Variants in GNAQ observed in about 807,000 individuals in gnomAD.
GNAQ encodes G protein subunit alpha q, also known as guanine nucleotide-binding protein G(q) subunit alpha.
Under a neutral mutation model 43.9 loss-of-function variants are expected in GNAQ, and 8 were observed. The observed-to-expected ratio is 0.18, with a 90% CI of 0.11 to 0.33. The LOEUF (loss-of-function observed/expected upper bound fraction) is 0.33, where lower values mean the gene tolerates loss of function less well. GNAQ is among the 10% of genes least tolerant of loss of function. The pLI, the probability that GNAQ is intolerant of heterozygous loss-of-function variation, is 1.00. For missense variants in GNAQ, 158 were observed against 450.8 expected, an observed-to-expected ratio of 0.35 and a Z score of 5.88; for synonymous variants, 155 against 170.7, an observed-to-expected ratio of 0.91 and a Z score of 0.71.
chr9:77,999,816 T>C (rs1397414374), intron 1 of GNAQ, among the ~76,000 whole-genome samples: 4 of 152,044 alleles, frequency 2.6e-5, no homozygotes, highest in Non-Finnish European at 5.9e-5. Flanking sequence ...TCACCAAATA[T>C]GGAAAACTGG....
chr9:77,986,197 C>A (rs1823433914), intron 1 of GNAQ, among the ~76,000 whole-genome samples: 1 of 152,186 alleles, frequency 6.6e-6, no homozygotes, highest in Non-Finnish European at 1.5e-5. Context: ...CTCATACCTG[C>A]TGTTTACATA....
At chr9:77,981,473 G>T (rs933636919) in intron 1 of GNAQ, among the ~76,000 whole-genome samples, 1 of 152,222 alleles carries the variant, frequency 6.6e-6, no homozygotes, top group African/African-American at 2.4e-5. Flanking sequence ...TGCAGAAGGT[G>T]TGGAAGGCCA....
chr9:78,020,623 TCTTCC>T (rs1385041560), intron 1 of GNAQ, among the ~76,000 whole-genome samples: 1 of 152,196 alleles, frequency 6.6e-6, no homozygotes, highest in African/African-American at 2.4e-5. Flanking sequence ...TTGGTCTGGC[TCTTCC>T]TGATTGAGAA....
intron 2 of GNAQ, among the ~76,000 whole-genome samples, chr9:77,840,674 T>G (rs1375247163): frequency 6.6e-6 from 1 of 152,132 alleles, no homozygotes; most frequent in African/African-American, 2.4e-5. Context: ...ACATGTTTGG[T>G]CTTACATCTG....
chr9:77,998,526 A>G (rs974760685), intron 1 of GNAQ, among the ~76,000 whole-genome samples: 5 of 152,194 alleles, frequency 3.3e-5, no homozygotes, highest in Admixed American at 3.3e-4. Context: ...GTCACTGCAA[A>G]CAGCTGAATC....
chr9:77,959,512 C>A (rs1823081863), intron 1 of GNAQ, among the ~76,000 whole-genome samples: 1 of 152,084 alleles, frequency 6.6e-6, no homozygotes, highest in Admixed American at 6.5e-5. Context: ...AGAAATAATT[C>A]TGTAGATAAA....
chr9:77,733,965 G>A (rs1357518669), intron 5 of GNAQ, among the ~76,000 whole-genome samples: 2 of 152,226 alleles, frequency 1.3e-5, no homozygotes, highest in African/African-American at 2.4e-5. Flanking sequence ...CAGTGGACAT[G>A]GCCCAAGACC....
intron 1 of GNAQ, among the ~76,000 whole-genome samples, chr9:78,023,221 G>T (rs1490663487): frequency 2.0e-5 from 3 of 152,190 alleles, no homozygotes; most frequent in African/African-American, 4.8e-5. Flanking sequence ...ACGGACCAGA[G>T]TAAGTATTGC....
intron 1 of GNAQ, among the ~76,000 whole-genome samples, chr9:77,967,179 T>C (rs1256458460): frequency 1.3e-5 from 2 of 152,208 alleles, no homozygotes; most frequent in African/African-American, 4.8e-5. Flanking sequence ...CATGCCACTA[T>C]TGCAGAATGG....
intron 1 of GNAQ, among the ~76,000 whole-genome samples, chr9:77,979,183 C>T (rs190148659): frequency 1.3e-5 from 2 of 152,158 alleles, no homozygotes; most frequent in Non-Finnish European, 2.9e-5. Flanking sequence ...TGGTGAAACC[C>T]TGTCTCTACT....
chr9:77,796,556 C>T (rs1172466523), intron 4 of GNAQ, among the ~76,000 whole-genome samples: 2 of 152,136 alleles, frequency 1.3e-5, no homozygotes, highest in Non-Finnish European at 2.9e-5. Context: ...AAAAACAAAA[C>T]AACAGAATGC....
At chr9:77,921,889 A>G (rs957520924) in intron 2 of GNAQ, among the ~76,000 whole-genome samples, 2 of 152,206 alleles carry the variant, frequency 1.3e-5, no homozygotes, top group Non-Finnish European at 2.9e-5. Context: ...AAACCTGAAA[A>G]TATTTATTGC....
chr9:78,002,251 C>T (rs1297534157), intron 1 of GNAQ, among the ~76,000 whole-genome samples: 1 of 152,118 alleles, frequency 6.6e-6, no homozygotes, highest in Non-Finnish European at 1.5e-5. Context: ...AGCCACCTCA[C>T]AGAAAGAATC....
chr9:77,861,722 G>A (rs1827855129), intron 2 of GNAQ, among the ~76,000 whole-genome samples: 1 of 152,198 alleles, frequency 6.6e-6, no homozygotes, highest in South Asian at 2.1e-4. Flanking sequence ...GATGCATGAG[G>A]TCAGGCATGG....
At chr9:77,991,284 C>G (rs950994574) in intron 1 of GNAQ, among the ~76,000 whole-genome samples, 1 of 152,184 alleles carries the variant, frequency 6.6e-6, no homozygotes, top group African/African-American at 2.4e-5. Flanking sequence ...TTGGCCTTTC[C>G]TCTTTATTAG....
intron 1 of GNAQ, chr9:78,030,591 AATGG>A: frequency 2.1e-6 from 1 of 468,026 alleles, no homozygotes; most frequent in Non-Finnish European, 4.4e-6. Flanking sequence ...GGGCACTGAT[AATGG>A]ATGCACACCG....
At chr9:77,886,386 TAA>T (rs11371901) in intron 2 of GNAQ, among the ~76,000 whole-genome samples, 27 of 140,322 alleles carry the variant, frequency 1.9e-4, no homozygotes, top group South Asian at 2.3e-4. Context: ...GCTATGCTCT[TAA>T]AAAAAAAAAA....
At chr9:77,801,537 A>C (rs1244302864) in intron 3 of GNAQ, among the ~76,000 whole-genome samples, 1 of 152,170 alleles carries the variant, frequency 6.6e-6, no homozygotes, top group Non-Finnish European at 1.5e-5. Context: ...GTTAACTTAA[A>C]AGGAAGCTGC....
At chr9:77,821,803 T>C (rs902519269) in intron 2 of GNAQ, among the ~76,000 whole-genome samples, 1 of 151,802 alleles carries the variant, frequency 6.6e-6, no homozygotes, top group Admixed American at 6.6e-5. Context: ...CTAGTTTATC[T>C]TCAGAGAGTT....
Sources: allele counts gnomAD v4.1 joint callset (sites outside exome capture counted in the v4.1 genomes callset), GRCh38; gene constraint gnomAD v4.1.1; transcripts MANE v1.5; gene names NCBI Gene and HGNC (gene_info 2026-07-23, HGNC 2026-07-21).